ADK: variants seen among roughly 807,000 people sequenced by gnomAD.
ADK encodes the protein adenosine kinase.
A neutral mutation model predicts 44.7 loss-of-function variants in ADK; 24 were observed. The observed-to-expected ratio is 0.54, with a 90% confidence interval of 0.39 to 0.76. The LOEUF is 0.76. Ranked by LOEUF, ADK falls within the 30% of genes least tolerant of loss-of-function variation. The pLI is 0.00. For missense variants in ADK, 321 were observed against 425.1 expected, an observed-to-expected ratio of 0.76 and a Z score of 2.15; for synonymous variants, 128 against 142.6, an observed-to-expected ratio of 0.90 and a Z score of 0.73.
intron 1 of ADK, among the ~76,000 whole-genome samples, chr10:74,151,858 C>A (rs1170304539): frequency 6.6e-6 from 1 of 152,218 alleles, no homozygotes; most frequent in Non-Finnish European, 1.5e-5. Flanking sequence ...GGGACCCAGA[C>A]CCCTCCGATG....
intron 5 of ADK, among the ~76,000 whole-genome samples, chr10:74,394,725 G>T (rs936578343): frequency 2.6e-5 from 4 of 152,038 alleles, no homozygotes; most frequent in African/African-American, 9.7e-5. Flanking sequence ...GTGTGTGTGT[G>T]TATTTTATGT....
At chr10:74,481,706 T>G (rs1027575417) in intron 6 of ADK, among the ~76,000 whole-genome samples, 1 of 152,190 alleles carries the variant, frequency 6.6e-6, no homozygotes, top group Non-Finnish European at 1.5e-5. Context: ...TTTTTTTTTC[T>G]TCTGTCCTCA....
At chr10:74,658,879 T>TACAC (rs567084013) in intron 9 of ADK, among the ~76,000 whole-genome samples, 6 of 150,634 alleles carry the variant, frequency 4.0e-5, no homozygotes, top group Non-Finnish European at 8.9e-5. Flanking sequence ...TAATTCATTA[T>TACAC]ACACACACAC....
intron 2 of ADK, among the ~76,000 whole-genome samples, chr10:74,201,740 C>T (rs1214219906): frequency 6.7e-6 from 1 of 150,174 alleles, no homozygotes; most frequent in African/African-American, 2.5e-5. Context: ...ATATATGGTT[C>T]AGTACTATCC....
chr10:74,689,531 A>G (rs1044364657), intron 10 of ADK, among the ~76,000 whole-genome samples: 6 of 152,214 alleles, frequency 3.9e-5, no homozygotes, highest in African/African-American at 1.4e-4. Context: ...CAAGTCCCCT[A>G]ATACACACAT....
At chr10:74,220,116 C>G (rs1483533874) in intron 2 of ADK, among the ~76,000 whole-genome samples, 3 of 151,946 alleles carry the variant, frequency 2.0e-5, no homozygotes, top group Non-Finnish European at 4.4e-5. Flanking sequence ...AATTGATAGA[C>G]CACTAGCAAG....
At chr10:74,294,861 T>C (rs1839754292) in intron 3 of ADK, among the ~76,000 whole-genome samples, 1 of 152,132 alleles carries the variant, frequency 6.6e-6, no homozygotes, top group Admixed American at 6.5e-5. Flanking sequence ...TATTTATTTA[T>C]GTATTTATTT....
At chr10:74,572,406 A>T (rs1349194146) in intron 7 of ADK, among the ~76,000 whole-genome samples, 1 of 152,144 alleles carries the variant, frequency 6.6e-6, no homozygotes, top group Admixed American at 6.5e-5. Context: ...TTTGTGGGTA[A>T]CCCGACCTTT....
At position 74,230,880 on chromosome 10, in the gene ADK, C is replaced by G. The variant is rs546920078; in HGVS notation, c.194+6289C>G. 2.0e-4 allele frequency among the ~76,000 whole-genome samples: 30 copies of G among 152,102 alleles called. 1 individual carries two copies. The South Asian group carries it at 6.2e-3, about 32-fold the overall frequency. On this transcript the variant is annotated intron_variant, in intron 3 of 10. Coordinates refer to ENST00000539909, the MANE Select transcript of ADK (RefSeq NM_006721.4). Reference sequence around the variant, plus strand: ...TATTTTTAGTAGAGACAGGGTTTCACCATATTGGTCAGGCTGGTCTCAAAC... The same window carrying G: ...TATTTTTAGTAGAGACAGGGTTTCAGCATATTGGTCAGGCTGGTCTCAAAC...
chr10:74,517,113 A>G (rs1224562076), intron 6 of ADK, among the ~76,000 whole-genome samples: 1 of 152,152 alleles, frequency 6.6e-6, no homozygotes, highest in African/African-American at 2.4e-5. Flanking sequence ...GAGCACAATT[A>G]AAGATGAGAT....
intron 6 of ADK, chr10:74,423,547 C>T (rs763389020): frequency 1.1e-4 from 25 of 224,412 alleles, no homozygotes; most frequent in Non-Finnish European, 1.8e-4. Flanking sequence ...TCTTAGCTCT[C>T]GCCGTGTAAA....
At chr10:74,443,700 C>T (rs1845500946) in intron 6 of ADK, among the ~76,000 whole-genome samples, 1 of 152,010 alleles carries the variant, frequency 6.6e-6, no homozygotes, top group African/African-American at 2.4e-5. Flanking sequence ...TGAATTAGAT[C>T]TCAATAAAGC....
chr10:74,606,191 C>A (rs1852318458), intron 9 of ADK, among the ~76,000 whole-genome samples: 1 of 152,096 alleles, frequency 6.6e-6, no homozygotes, highest in Non-Finnish European at 1.5e-5. Flanking sequence ...TGCAAAAAAC[C>A]AGCTCCTGGA....
intron 4 of ADK, among the ~76,000 whole-genome samples, chr10:74,384,612 G>A (rs1021326371): frequency 1.3e-5 from 2 of 152,052 alleles, no homozygotes; most frequent in East Asian, 3.9e-4. Flanking sequence ...AGAGGTTTGC[G>A]GTGAGTCAAG....
At chr10:74,504,009 C>G (rs1285393251) in intron 6 of ADK, among the ~76,000 whole-genome samples, 1 of 152,162 alleles carries the variant, frequency 6.6e-6, no homozygotes, top group Non-Finnish European at 1.5e-5. Context: ...TCCAAGTACT[C>G]TGAACCATGC....
At chr10:74,569,585 G>C (rs1375527231) in intron 7 of ADK, among the ~76,000 whole-genome samples, 7 of 152,190 alleles carry the variant, frequency 4.6e-5, no homozygotes, top group African/African-American at 1.7e-4. Context: ...CTTTTGAGAA[G>C]TGTCTGTTCA....
chr10:74,370,886 T>C (rs1288891265), intron 4 of ADK, among the ~76,000 whole-genome samples: 1 of 152,086 alleles, frequency 6.6e-6, no homozygotes, highest in African/African-American at 2.4e-5. Context: ...GGGTAAACTT[T>C]TGATAAATAT....
chr10:74,475,838 G>A (rs1313886642), intron 6 of ADK, among the ~76,000 whole-genome samples: 2 of 151,456 alleles, frequency 1.3e-5, no homozygotes, highest in African/African-American at 2.4e-5. Context: ...GAGGGAGGGA[G>A]GGAAGGTAGG....
intron 9 of ADK, chr10:74,655,404 C>T (rs1854443564): frequency 3.4e-5 from 14 of 411,300 alleles, no homozygotes; most frequent in South Asian, 1.6e-4. Flanking sequence ...GACGAAGACA[C>T]GAAACATCTC....
Sources: allele counts gnomAD v4.1 joint callset (sites outside exome capture counted in the v4.1 genomes callset), GRCh38; gene constraint gnomAD v4.1.1; transcripts MANE v1.5; gene names NCBI Gene and HGNC (gene_info 2026-07-23, HGNC 2026-07-21).